The following CNTN6 variants were observed in gnomAD, a reference collection of about 807,000 sequenced individuals.
CNTN6 encodes contactin-6.
In CNTN6, 137 loss-of-function variants were observed where a neutral mutation model predicts 122.8. That is an observed-to-expected ratio of 1.12 (90% CI 0.97 to 1.29). CNTN6 has a LOEUF of 1.29. Ranked by LOEUF, CNTN6 falls within the 50% of genes most tolerant of loss-of-function variation. CNTN6 has a pLI of 0.00. For missense variants in CNTN6, 1,634 were observed against 1,223.4 expected (o/e 1.34, Z -5.01); for synonymous variants, 570 against 426.0 (o/e 1.34, Z -4.16).
chr3:1,241,120 C>T (rs2094477461), intron 4 of CNTN6, among the ~76,000 whole-genome samples: 2 of 152,030 alleles, frequency 1.3e-5, no homozygotes, highest in Non-Finnish European at 2.9e-5. Context: ...GGTGGAATGT[C>T]ATCAGTTAAG....
At position 1,374,026 on chromosome 3, in the gene CNTN6, T is replaced by C. The variant is rs772742274; in HGVS notation, c.2048T>C (p.Ile683Thr). Residue 683 changes from isoleucine to threonine, a missense_variant, in exon 16 of 23, where the codon ATT (isoleucine) becomes ACT (threonine). By Grantham distance (89) the Ile-to-Thr change is moderately conservative. Coordinates refer to ENST00000446702, the MANE Select transcript of CNTN6 (RefSeq NM_001289080.2). The part of the protein sequence containing the change: ...FRVVAGNSIG[I>T]GEPSEPSELL... ...GTTGTTGCCGGCAACAGCATTGGGATTGGAGAACCAAGTGAACCATCAGAA... is the reference window on the plus strand; with the variant it reads ...GTTGTTGCCGGCAACAGCATTGGGACTGGAGAACCAAGTGAACCATCAGAA... 7 of 1,613,080 alleles carry C rather than the reference T, an allele frequency of 4.3e-6. No homozygotes were observed. In the East Asian group the frequency reaches 1.1e-4, roughly 26 times the overall value.
chr3:1,377,137 T>C (rs1464539010), intron 17 of CNTN6, 62 bp downstream of exon 17: 3 of 1,160,070 alleles, frequency 2.6e-6, no homozygotes, highest in Non-Finnish European at 3.8e-6. Context: ...AGAAAGAAAC[T>C]GAAAAACAAA....
At chr3:1,329,682 A>G in intron 10 of CNTN6, 103 bp from the exon 11 acceptor site, 1 of 913,918 alleles carries the variant, frequency 1.1e-6, no homozygotes. Flanking sequence ...AAAAGAGGAT[A>G]CAGCTATAAA....
intron 2 of CNTN6, among the ~76,000 whole-genome samples, chr3:1,185,647 A>G (rs910816536): frequency 2.0e-5 from 3 of 152,352 alleles, no homozygotes; most frequent in Non-Finnish European, 2.9e-5. Flanking sequence ...TAATGACACA[A>G]TAAATATTAT....
At chr3:1,110,722 G>C (rs761193296) in intron 1 of CNTN6, among the ~76,000 whole-genome samples, 3 of 152,008 alleles carry the variant, frequency 2.0e-5, no homozygotes, top group Non-Finnish European at 4.4e-5. Context: ...TGACAATGTT[G>C]TCAGGATTGT....
intron 5 of CNTN6, among the ~76,000 whole-genome samples, chr3:1,278,820 C>T (rs1692876202): frequency 6.6e-6 from 1 of 152,112 alleles, no homozygotes; most frequent in African/African-American, 2.4e-5. Flanking sequence ...AACTTCATGA[C>T]AAGGGGACAA....
intron 2 of CNTN6, among the ~76,000 whole-genome samples, chr3:1,156,661 CCCTT>C (rs1183556200): frequency 9.6e-5 from 13 of 134,952 alleles, no homozygotes; most frequent in South Asian, 5.1e-4. Flanking sequence ...CTTGCTCTTT[CCCTT>C]CCTTCCTTCC....
At chr3:1,153,488 AAAAT>A in intron 2 of CNTN6, among the ~76,000 whole-genome samples, 1 of 152,222 alleles carries the variant, frequency 6.6e-6, no homozygotes, top group East Asian at 1.9e-4. Context: ...TTTTAACACT[AAAAT>A]AAAGTTGTTT....
intron 1 of CNTN6, among the ~76,000 whole-genome samples, chr3:1,119,867 T>A (rs1292112051): frequency 6.6e-6 from 1 of 152,190 alleles, no homozygotes; most frequent in East Asian, 1.9e-4. Context: ...GAAAGTACTT[T>A]CACACTTTTT....
intron 4 of CNTN6, among the ~76,000 whole-genome samples, chr3:1,245,418 T>G (rs1239986032): frequency 1.4e-5 from 2 of 141,758 alleles, no homozygotes; most frequent in African/African-American, 5.2e-5. Context: ...ACTATTATTG[T>G]AAGTGAAGTA....
At position 1,301,724 on chromosome 3, in the gene CNTN6, G is replaced by T. The variant is rs78836158; in HGVS notation, c.761+3733G>T. 4.3e-4 allele frequency among the ~76,000 whole-genome samples: 60 copies of T among 139,762 alleles called. 1 individual carries two copies. The East Asian group carries it at 9.9e-3, about 23-fold the overall frequency. The allele number at this position is 139,762 out of a possible 152,430, so 91.7% of individuals were successfully genotyped here. A position where few individuals can be genotyped will look rare whatever the true frequency, so the allele number is the denominator to read the frequency against. On this transcript the variant is annotated intron_variant, in intron 7 of 22. Coordinates refer to ENST00000446702, the MANE Select transcript of CNTN6 (RefSeq NM_001289080.2). ...AATGGAAAGTCTGAAGCATCTGCTC[G>T]GTCAAAGCGGTAGCGTTAAGATGCC...
chr3:1,185,342 A>C (rs1437689191), intron 2 of CNTN6, among the ~76,000 whole-genome samples: 1 of 152,136 alleles, frequency 6.6e-6, no homozygotes, highest in Non-Finnish European at 1.5e-5. Context: ...TTTAAAAAAG[A>C]TGTTTCTAAA....
intron 1 of CNTN6, among the ~76,000 whole-genome samples, chr3:1,117,933 C>T (rs764744801): frequency 6.6e-6 from 1 of 152,160 alleles, no homozygotes; most frequent in Non-Finnish European, 1.5e-5. Flanking sequence ...CCATTCTGCA[C>T]ATTTTACTGA....
At chr3:1,248,802 A>G (rs1363249201) in intron 4 of CNTN6, among the ~76,000 whole-genome samples, 1 of 152,042 alleles carries the variant, frequency 6.6e-6, no homozygotes, top group Non-Finnish European at 1.5e-5. Flanking sequence ...CCTGGGCGAC[A>G]TGAGTGAAAC....
intron 20 of CNTN6, among the ~76,000 whole-genome samples, chr3:1,390,206 C>T (rs1473759395): frequency 6.6e-6 from 1 of 152,030 alleles, no homozygotes; most frequent in African/African-American, 2.4e-5. Context: ...TTATAACAAA[C>T]TATCTCTCAG....
intron 20 of CNTN6, among the ~76,000 whole-genome samples, chr3:1,393,671 T>C (rs1035105042): frequency 2.7e-5 from 4 of 150,758 alleles, no homozygotes; most frequent in African/African-American, 9.8e-5. Flanking sequence ...ACACATTGTA[T>C]CATGGTAGAC....
intron 20 of CNTN6, among the ~76,000 whole-genome samples, chr3:1,399,153 T>C (rs1281417610): frequency 6.6e-6 from 1 of 152,160 alleles, no homozygotes; most frequent in Non-Finnish European, 1.5e-5. Context: ...GGTGAATTTG[T>C]ATTTTCTCTG....
chr3:1,293,964 T>C (rs1346337680), intron 5 of CNTN6, among the ~76,000 whole-genome samples: 1 of 152,214 alleles, frequency 6.6e-6, no homozygotes, highest in Admixed American at 6.5e-5. Flanking sequence ...CAGCACATGA[T>C]TTTTGTGAGG....
intron 12 of CNTN6, among the ~76,000 whole-genome samples, chr3:1,359,267 A>G (rs1278788319): frequency 6.6e-6 from 1 of 152,118 alleles, no homozygotes; most frequent in Non-Finnish European, 1.5e-5. Flanking sequence ...GAATCTACAG[A>G]GCATGTTCTG....
Sources: allele counts gnomAD v4.1 joint callset (sites outside exome capture counted in the v4.1 genomes callset), GRCh38; gene constraint gnomAD v4.1.1; transcripts MANE v1.5; gene names NCBI Gene and HGNC (gene_info 2026-07-23, HGNC 2026-07-21).